NRDC: variants seen among roughly 807,000 people sequenced by gnomAD.
The protein encoded by NRDC is nardilysin convertase.
NRDC carries 54 observed loss-of-function variants against 147.1 expected under a neutral mutation model. The ratio of observed to expected loss-of-function variants is 0.37; its 90% CI spans 0.29 to 0.46. The LOEUF (loss-of-function observed/expected upper bound fraction) is 0.46, where lower values mean the gene tolerates loss of function less well. Ranked by LOEUF, NRDC falls within the 20% of genes least tolerant of loss-of-function variation. NRDC has a pLI of 1.00. For synonymous variants in NRDC, 440 were observed against 482.1 expected, an observed-to-expected ratio of 0.91 and a Z score of 1.14; for missense variants, 1,082 against 1,370.6, an observed-to-expected ratio of 0.79 and a Z score of 3.33.
intron 1 of NRDC, among the ~76,000 whole-genome samples, chr1:51,876,638 G>A (rs1683341697): frequency 6.6e-6 from 1 of 152,252 alleles, no homozygotes; most frequent in East Asian, 1.9e-4. Flanking sequence ...CATCTTTGAT[G>A]AGAAAGAAAA....
At chr1:51,846,950 C>T (rs1000465263) in intron 1 of NRDC, among the ~76,000 whole-genome samples, 4 of 152,280 alleles carry the variant, frequency 2.6e-5, no homozygotes, top group African/African-American at 9.6e-5. Context: ...ATACAGAGTG[C>T]TGATTGGTGC....
At chr1:51,850,953 G>A (rs1681917827) in intron 1 of NRDC, among the ~76,000 whole-genome samples, 2 of 152,174 alleles carry the variant, frequency 1.3e-5, no homozygotes, top group Non-Finnish European at 2.9e-5. Flanking sequence ...GCCAACTCCG[G>A]TTTGGTTCTC....
At chr1:51,829,607 A>G (rs972619007) in intron 4 of NRDC, among the ~76,000 whole-genome samples, 23 of 152,164 alleles carry the variant, frequency 1.5e-4, no homozygotes, top group African/African-American at 5.3e-4. Flanking sequence ...TCAACCCTTC[A>G]ACTGTTGTCT....
intron 1 of NRDC, among the ~76,000 whole-genome samples, chr1:51,863,054 A>G (rs1682632049): frequency 6.7e-6 from 1 of 150,370 alleles, no homozygotes; most frequent in Admixed American, 6.6e-5. Flanking sequence ...AATAACCAGA[A>G]AAAGTAGAAA....
intron 13 of NRDC, 187 bp downstream of exon 13, chr1:51,814,345 TGAAAATAAAGGGACTGCCC>T: frequency 1.7e-6 from 1 of 577,600 alleles, no homozygotes; most frequent in Non-Finnish European, 3.0e-6. Context: ...AAGAGAAGCG[TGAAAATAAAGGGACTGCCC>T]ACATATGTGT....
At chr1:51,803,711 T>C (rs1344495097) in intron 20 of NRDC, 103 bp downstream of exon 20, 1 of 875,580 alleles carries the variant, frequency 1.1e-6, no homozygotes, top group Non-Finnish European at 1.7e-6. Flanking sequence ...ATAATCCACA[T>C]TAATAAACAT....
chr1:51,803,731 T>C (rs1241696907), intron 20 of NRDC, 83 bp downstream of exon 20: 2 of 1,088,572 alleles, frequency 1.8e-6, no homozygotes, highest in Admixed American at 2.3e-5. Context: ...TTTATTTCTC[T>C]ATACAGCATC....
chr1:51,806,735 G>A, intron 18 of NRDC, 59 bp downstream of exon 18: 1 of 1,510,770 alleles, frequency 6.6e-7, no homozygotes, highest in Non-Finnish European at 9.1e-7. Flanking sequence ...ATGTGAAACA[G>A]AGCATCTAAA....
At chr1:51,796,667 A>C (rs1375479480) in intron 22 of NRDC, among the ~76,000 whole-genome samples, 1 of 151,584 alleles carries the variant, frequency 6.6e-6, no homozygotes, top group African/African-American at 2.4e-5. Context: ...AGTTTAGTGC[A>C]ACCTCCGCCT....
rs767305864 is a variant in NRDC, at chr1:51,794,496, G to A, written c.2751C>T (p.Asn917=). The change falls in exon 24 of 31, where the codon AAC becomes AAT. Residue 917 remains asparagine (N), a synonymous_variant. Coordinates refer to ENST00000352171, the MANE Select transcript of NRDC (RefSeq NM_001101662.2). ...KVKALNKGDA[N]SEVTVYYQSG... ...CCTGGTAGTACACAGTGACTTCAGA[G>A]TTGGCATCACCCTTGTTCAGAGCTT... The A allele has an allele frequency of 7.4e-6, 12 of 1,614,060 alleles. No homozygotes were observed. The South Asian group carries it at 1.1e-4, about 15-fold the overall frequency.
intron 1 of NRDC, among the ~76,000 whole-genome samples, chr1:51,848,599 A>G (rs1681776071): frequency 6.6e-6 from 1 of 152,222 alleles, no homozygotes; most frequent in Admixed American, 6.5e-5. Context: ...AACTATTATT[A>G]ATAAATAGAA....
intron 1 of NRDC, among the ~76,000 whole-genome samples, chr1:51,864,659 A>T (rs1229065604): frequency 6.6e-6 from 1 of 152,088 alleles, no homozygotes; most frequent in African/African-American, 2.4e-5. Context: ...ATAGTAATAA[A>T]ATTAGATTTT....
intron 24 of NRDC, 92 bp from the exon 25 acceptor site, chr1:51,792,516 C>T (rs527736337): frequency 1.9e-6 from 2 of 1,072,860 alleles, no homozygotes; most frequent in Non-Finnish European, 2.9e-6. Flanking sequence ...ACTTAGGTAT[C>T]ACCACCAATC....
intron 1 of NRDC, among the ~76,000 whole-genome samples, chr1:51,847,435 G>A (rs917978791): frequency 4.6e-5 from 7 of 152,230 alleles, no homozygotes; most frequent in East Asian, 3.8e-4. Flanking sequence ...AGGGGGCGGC[G>A]CTCGTTGGGG....
chr1:51,792,360 C>T lies in NRDC; in HGVS notation c.2823+17G>A. 1 of 1,613,758 alleles carries T rather than the reference C, an allele frequency of 6.2e-7. No homozygotes were observed. The highest frequency in any genetic ancestry group is 8.5e-7 in the Non-Finnish European group (1 of 1,179,664). ...CAGGGGCTGCTGAAAACCTCAGCAT[C>T]TCCTTTATGCACTTACCACAAGCAG... On this transcript the variant is annotated intron_variant, in intron 25 of 30. Coordinates refer to ENST00000352171, the MANE Select transcript of NRDC (RefSeq NM_001101662.2).
intron 1 of NRDC, among the ~76,000 whole-genome samples, chr1:51,856,979 TA>T (rs1315437179): frequency 6.6e-6 from 1 of 151,400 alleles, no homozygotes; most frequent in Non-Finnish European, 1.5e-5. Context: ...TTTGTTAAAT[TA>T]AGTCTAGACA....
At chr1:51,814,649 A>G (rs761300865) in intron 12 of NRDC, 40 bp from the exon 13 acceptor site, 2 of 1,607,588 alleles carry the variant, frequency 1.2e-6, no homozygotes, top group South Asian at 1.1e-5. Flanking sequence ...GCATAAAGTG[A>G]TATCTACGTA....
rs1485825889 is a variant in NRDC at position 51,789,616 on chromosome 1, G to C, written c.3210C>G (p.Asn1070Lys). ...LKSFSKSDLV[N>K]WFKAHRGPGS... ...CTGGCCCTCTATGGGCCTTGAACCA[G>C]TTGACCAGGTCTGATTTTGAGAATG... The change falls in exon 30 of 31, where the codon AAC (asparagine) becomes AAG (lysine). Residue 1070 changes from asparagine to lysine, a missense_variant. Asn to Lys is a moderately conservative substitution (Grantham distance 94). Transcript: ENST00000352171. The C allele has an allele frequency of 6.2e-7, 1 of 1,613,962 alleles. No homozygotes were observed. The highest frequency in any genetic ancestry group is 8.5e-7 in the Non-Finnish European group (1 of 1,179,860).
intron 1 of NRDC, among the ~76,000 whole-genome samples, chr1:51,845,223 C>T (rs1681493369): frequency 6.6e-6 from 1 of 152,184 alleles, no homozygotes; most frequent in African/African-American, 2.4e-5. Context: ...GCTTGCTGTT[C>T]TGTTGGCCTT....
Sources: allele counts gnomAD v4.1 joint callset (sites outside exome capture counted in the v4.1 genomes callset), GRCh38; gene constraint gnomAD v4.1.1; transcripts MANE v1.5; gene names NCBI Gene and HGNC (gene_info 2026-07-23, HGNC 2026-07-21).